NEK4: variants seen among roughly 807,000 people sequenced by gnomAD.
NEK4 encodes serine/threonine-protein kinase Nek4.
NEK4 carries 86 observed loss-of-function variants against 98.4 expected under a neutral mutation model. The ratio of observed to expected loss-of-function variants is 0.87; its 90% CI spans 0.73 to 1.05. The LOEUF (loss-of-function observed/expected upper bound fraction) is 1.05, where lower values mean the gene tolerates loss of function less well. Ranked by LOEUF, NEK4 falls within the 50% of genes least tolerant of loss-of-function variation. NEK4 has a pLI of 0.00. For missense variants in NEK4, 898 were observed against 950.3 expected (o/e 0.94, Z 0.72); for synonymous variants, 328 against 342.2 (o/e 0.96, Z 0.46).
rs777334017 is a variant in NEK4 at position 52,763,573 on chromosome 3, T to G, written c.718A>C (p.Thr240Pro). 2.5e-4 allele frequency: 410 copies of G among 1,613,624 alleles called. 1 individual carries two copies. The highest frequency in any genetic ancestry group is 3.3e-4 in the Non-Finnish European group (391 of 1,179,670). Residue 240 changes from threonine to proline, a missense_variant, in exon 5 of 16, where the codon ACA becomes CCA. Thr to Pro is a conservative substitution (Grantham distance 38). Coordinates refer to ENST00000233027, the MANE Select transcript of NEK4 (RefSeq NM_003157.6). ...YSPELAELIR[T>P]MLSKRPEERP... ...TCTTCAGGCCTTTTGCTCAGCATTGTTCTTATCAGTTCTGCCAGCTCTGGG... is the reference window on the plus strand; with the variant it reads ...TCTTCAGGCCTTTTGCTCAGCATTGGTCTTATCAGTTCTGCCAGCTCTGGG...
At chr3:52,738,342 A>G (rs2097379824) in intron 14 of NEK4, among the ~76,000 whole-genome samples, 1 of 150,702 alleles carries the variant, frequency 6.6e-6, no homozygotes, top group South Asian at 2.1e-4. Context: ...GCCTCAAGCA[A>G]TCCTCCCACC....
At chr3:52,738,835 A>G (rs2097380856) in intron 14 of NEK4, among the ~76,000 whole-genome samples, 1 of 152,212 alleles carries the variant, frequency 6.6e-6, no homozygotes, top group Non-Finnish European at 1.5e-5. Flanking sequence ...TATGAACTTA[A>G]GCTTCACTAC....
chr3:52,770,153 A>T (rs1445327731), intron 1 of NEK4, among the ~76,000 whole-genome samples: 1 of 152,142 alleles, frequency 6.6e-6, no homozygotes, highest in Non-Finnish European at 1.5e-5. Context: ...CTATTCACTG[A>T]AACGGAAGAC....
intron 8 of NEK4, among the ~76,000 whole-genome samples, chr3:52,748,854 G>A (rs903471660): frequency 2.6e-5 from 4 of 152,150 alleles, no homozygotes; most frequent in Non-Finnish European, 4.4e-5. Flanking sequence ...GGCCAAGGTG[G>A]GAGGATGATT....
At chr3:52,724,252 C>G (rs531807854) in intron 15 of NEK4, among the ~76,000 whole-genome samples, 2 of 151,924 alleles carry the variant, frequency 1.3e-5, no homozygotes, top group Non-Finnish European at 2.9e-5. Context: ...CACACACACA[C>G]ACACACACAC....
At chr3:52,722,141 C>G (rs1010456878) in intron 15 of NEK4, among the ~76,000 whole-genome samples, 2 of 152,232 alleles carry the variant, frequency 1.3e-5, no homozygotes, top group Admixed American at 1.3e-4. Flanking sequence ...AAGCCCTGGA[C>G]TCAGCCATAT....
rs530269053 is a variant in NEK4 at position 52,729,037 on chromosome 3, A to G, written c.2433+8549T>C. On this transcript the variant is annotated intron_variant, in intron 15 of 15. Coordinates refer to ENST00000233027, the MANE Select transcript of NEK4 (RefSeq NM_003157.6). ...ACAATATGTGCACAGCTGAACATAG[A>G]CCCTTATCAGTAGTTCTGATTTTGC... Among the ~76,000 whole-genome samples, 7 of 152,122 alleles carry G rather than the reference A, an allele frequency of 4.6e-5. No homozygotes were observed. The East Asian group carries it at 1.4e-3, about 29-fold the overall frequency.
At chr3:52,753,167 G>A (rs1055474053) in intron 6 of NEK4, among the ~76,000 whole-genome samples, 39 of 151,952 alleles carry the variant, frequency 2.6e-4, no homozygotes, top group African/African-American at 8.7e-4. Context: ...AGCTGGGCAT[G>A]GTGGCAAGTG....
intron 6 of NEK4, chr3:52,754,793 G>A: frequency 6.1e-6 from 2 of 326,908 alleles, no homozygotes; most frequent in South Asian, 5.4e-5. Flanking sequence ...AAAACTGTGG[G>A]CCGGGCACCG....
chr3:52,750,263 A>G (rs1283134904), intron 7 of NEK4, among the ~76,000 whole-genome samples: 1 of 152,038 alleles, frequency 6.6e-6, no homozygotes, highest in Admixed American at 6.6e-5. Flanking sequence ...TAAAATATAT[A>G]TAGGCTGGGT....
At chr3:52,767,100 A>G (rs1012134778) in intron 2 of NEK4, among the ~76,000 whole-genome samples, 2 of 152,126 alleles carry the variant, frequency 1.3e-5, no homozygotes, top group African/African-American at 4.8e-5. Context: ...CCTGGGCAAC[A>G]TGGCAAAACC....
At position 52,753,112 on chromosome 3, in the gene NEK4, G is replaced by A. The variant is rs187106043; in HGVS notation, c.964-776C>T. ...AGCTCAGGAGTTTGAGACCAGCCTA[G>A]GCAACATGGCGAAACCCCATTTCTA... On this transcript the variant is annotated intron_variant, in intron 6 of 15. Coordinates refer to ENST00000233027, the MANE Select transcript of NEK4 (RefSeq NM_003157.6). 1.0e-3 allele frequency among the ~76,000 whole-genome samples: 151 copies of A among 151,640 alleles called. 1 individual carries two copies. Among genetic ancestry groups the A allele is most frequent in the South Asian group, 2.7e-3 (13 of 4,802 alleles).
chr3:52,744,747 AAAAAGGTCT>A (rs2097393015), intron 10 of NEK4, among the ~76,000 whole-genome samples: 1 of 151,800 alleles, frequency 6.6e-6, no homozygotes, highest in Non-Finnish European at 1.5e-5. Context: ...ACCAAAAAAA[AAAAAGGTCT>A]TGCGCTGGAC....
In NEK4 at chr3:52,763,511, A is replaced by G. The variant is rs766356301; in HGVS notation, c.780T>C (p.Tyr260=). The change falls in exon 5 of 16, where the codon TAT becomes TAC. Residue 260 remains tyrosine, a synonymous_variant. Transcript: ENST00000233027. ...AAAAGAAGGAGATTTGCCGCTTTAT[A>G]TAAGGCTGCCTCAGGATGCTCCTCA... ...PSVRSILRQP[Y]IKRQISFFLE... 27 of 1,614,016 alleles carry G rather than the reference A, an allele frequency of 1.7e-5. No individual in the cohort carries two copies. The highest frequency in any genetic ancestry group is 2.2e-5 in the Non-Finnish European group (26 of 1,180,002).
intron 6 of NEK4, chr3:52,753,681 C>T (rs972846572): frequency 3.4e-5 from 20 of 582,168 alleles, no homozygotes; most frequent in South Asian, 2.2e-4. Context: ...ACTAAGCCTA[C>T]GGAGCCTGTC....
Position 52,768,406 on chromosome 3 carries a change from G to C in NEK4, c.292C>G (p.Gln98Glu). 1.2e-6 allele frequency: 2 copies of C among 1,614,068 alleles called. No homozygotes were observed. The highest frequency in any genetic ancestry group is 1.7e-6 in the Non-Finnish European group (2 of 1,179,980). ...TTCTCAGGCAGAAGCTGCCCTTTCTGCTCCTTGAGCTTTCGGTACAAATCA... is the reference window on the plus strand; with the variant it reads ...TTCTCAGGCAGAAGCTGCCCTTTCTCCTCCTTGAGCTTTCGGTACAAATCA... ...GGDLYRKLKEQKGQLLPENQV... is the reference protein window; with the variant it reads ...GGDLYRKLKEEKGQLLPENQV... Residue 98 changes from glutamine (Q) to glutamate (E), a missense_variant, in exon 2 of 16, where the codon CAG (glutamine) becomes GAG (glutamate). Transcript: ENST00000233027.
Position 52,744,302 on chromosome 3 carries a change from G to C in NEK4, c.1831C>G (p.Arg611Gly), listed in dbSNP as rs764821008. The C allele has an allele frequency of 1.2e-6, 2 of 1,612,534 alleles. No homozygotes were observed. Among genetic ancestry groups the C allele is most frequent in the Middle Eastern group, 1.6e-4 (1 of 6,082 alleles). Residue 611 changes from arginine to glycine, a missense_variant, in exon 11 of 16, where the codon CGA becomes GGA. Transcript: ENST00000233027. ...RSSEMSSSKD[R>G]PLSARERRRL... is the part of the protein sequence containing the mutation. ...CTCCTCTCTCTGGCTGATAATGGTC[G>C]ATCCTTTAAAAGAAAGTCACAGAGT...
At chr3:52,716,805 T>C (rs1289410951) in intron 15 of NEK4, among the ~76,000 whole-genome samples, 1 of 152,248 alleles carries the variant, frequency 6.6e-6, no homozygotes, top group African/African-American at 2.4e-5. Context: ...ATCTAGACTT[T>C]GGTAAGAATG....
At chr3:52,713,922 G>A (rs2154101771) in intron 15 of NEK4, among the ~76,000 whole-genome samples, 1 of 152,086 alleles carries the variant, frequency 6.6e-6, no homozygotes, top group Admixed American at 6.5e-5. Context: ...GACACCATAA[G>A]GAGCTCTGTA....
Sources: gnomAD v4.1 joint callset for allele counts (sites outside exome capture counted in the v4.1 genomes callset) on GRCh38, gnomAD v4.1.1 for gene constraint, MANE v1.5 for transcripts, NCBI Gene and HGNC (gene_info 2026-07-23, HGNC 2026-07-21) for gene names.